The following ZNF592 variants were observed in gnomAD, a reference collection of about 807,000 sequenced individuals.
ZNF592 encodes the protein spinocerebellar ataxia, autosomal recessive 5.
Under a neutral mutation model 80.3 loss-of-function variants are expected in ZNF592, and 11 were observed. The ratio of observed to expected loss-of-function variants is 0.14; its 90% CI spans 0.09 to 0.23. ZNF592 has a LOEUF of 0.23. ZNF592 is among the 10% of genes least tolerant of loss of function. The pLI, the probability that ZNF592 is intolerant of heterozygous loss-of-function variation, is 1.00. For missense variants in ZNF592, 1,420 were observed against 1,633.9 expected (o/e 0.87, Z 2.26); for synonymous variants, 646 against 640.3 (o/e 1.01, Z -0.13).
intron 2 of ZNF592, among the ~76,000 whole-genome samples, chr15:84,771,446 CACGAGAAAGTGTG>C (rs1899698303): frequency 6.6e-6 from 1 of 152,034 alleles, no homozygotes; most frequent in South Asian, 2.1e-4. Context: ...GGCAGAGAGG[CACGAGAAAGTGTG>C]AGAGAACCAC....
intron 2 of ZNF592, among the ~76,000 whole-genome samples, chr15:84,776,521 C>G (rs1158647106): frequency 6.6e-6 from 1 of 152,082 alleles, no homozygotes; most frequent in Non-Finnish European, 1.5e-5. Flanking sequence ...TTTGGGAGGC[C>G]AAGGTGGGTG....
Position 84,782,807 on chromosome 15 carries a change from A to G in ZNF592, c.132A>G (p.Pro44=). The part of the protein sequence containing the change: ...SEENESPLKP[P]GICMDESVSL... ...AGAATGAGAGTCCCCTCAAACCTCC[A>G]GGCATATGTATGGATGAAAGTGTGT... The change falls in exon 4 of 11, where the codon CCA becomes CCG. Residue 44 remains proline, a synonymous_variant. Transcript: ENST00000560079. The G allele has an allele frequency of 6.2e-7, 1 of 1,614,140 alleles. No homozygotes were observed. The highest frequency in any genetic ancestry group is 8.5e-7 in the Non-Finnish European group (1 of 1,180,036).
chr15:84,775,765 A>T (rs139513521), intron 2 of ZNF592, among the ~76,000 whole-genome samples: 1 of 152,128 alleles, frequency 6.6e-6, no homozygotes, highest in Admixed American at 6.5e-5. Flanking sequence ...AATAATTCCA[A>T]TAGGGTGATT....
chr15:84,748,617 A>ACG lies in ZNF592; in HGVS notation c.-299_-298dup, dbSNP rs1324305414. ...GTGGCTCCCGCAGCCGGCGCTGGGGACGCGCGCGGCCGAGACTCTGGCCTG... is the reference window on the plus strand; with the variant it reads ...GTGGCTCCCGCAGCCGGCGCTGGGGACGCGCGCGCGGCCGAGACTCTGGCCTG... On this transcript the variant is annotated 5_prime_UTR_variant, in exon 1 of 11. Coordinates refer to ENST00000560079, the MANE Select transcript of ZNF592 (RefSeq NM_014630.3). The ACG allele has an allele frequency of 1.4e-5, 2 of 144,658 alleles. No homozygotes were observed. Among genetic ancestry groups the ACG allele is most frequent in the Admixed American group, 1.4e-4 (2 of 14,622 alleles). The allele number at this position is 144,658 out of a possible 1,614,324, so 9.0% of individuals were successfully genotyped here.
Position 84,783,281 on chromosome 15 carries a change from G to C in ZNF592, c.606G>C (p.Lys202Asn). ...TGCATATGTTTGATCATTTTTGTAA[G>C]AAAGAACCCAAGCCAGAACCCCTGC... ...PELHMFDHFC[K>N]KEPKPEPLPL... is the part of the protein sequence containing the mutation. The change falls in exon 4 of 11, where the codon AAG becomes AAC. Residue 202 changes from lysine to asparagine, a missense_variant. By Grantham distance (94) the Lys-to-Asn change is moderately conservative (BLOSUM62 0). Around this residue, in one of 7 missense-constraint regions of ZNF592, gnomAD observed 373 missense variants for 355.5 expected, o/e 1.05. Transcript: ENST00000560079. The surrounding 1 kb of genome is among the most constrained non-coding windows in gnomAD (Gnocchi z 5.0). 6.2e-7 allele frequency: 1 copy of C among 1,614,252 alleles called. No homozygotes were observed. Among genetic ancestry groups the C allele is most frequent in the Non-Finnish European group, 8.5e-7 (1 of 1,180,048 alleles).
At chr15:84,757,106 GTC>G (rs1899195780) in intron 1 of ZNF592, among the ~76,000 whole-genome samples, 1 of 151,790 alleles carries the variant, frequency 6.6e-6, no homozygotes, top group Non-Finnish European at 1.5e-5. Context: ...GAGTGAGACT[GTC>G]TCAATTAAAA....
chr15:84,785,198 C>A (rs1962555935), intron 4 of ZNF592, among the ~76,000 whole-genome samples: 1 of 152,210 alleles, frequency 6.6e-6, no homozygotes, highest in Non-Finnish European at 1.5e-5. Context: ...ACTGGATGAT[C>A]TCCCTCTGGT....
chr15:84,787,740 A>G (rs1962631944), intron 4 of ZNF592, among the ~76,000 whole-genome samples: 1 of 152,244 alleles, frequency 6.6e-6, no homozygotes, highest in Admixed American at 6.5e-5. Flanking sequence ...ATTACCTACT[A>G]CAAGTTCATA....
intron 2 of ZNF592, among the ~76,000 whole-genome samples, chr15:84,766,501 G>GAC (rs763417279): frequency 4.5e-4 from 69 of 152,082 alleles, no homozygotes; most frequent in South Asian, 8.3e-4. Context: ...CCTCAGGTCT[G>GAC]AGCAGTCATG....
At chr15:84,780,782 G>A (rs1389800493) in intron 3 of ZNF592, among the ~76,000 whole-genome samples, 1 of 151,800 alleles carries the variant, frequency 6.6e-6, no homozygotes, top group Admixed American at 6.6e-5. Context: ...TGTTGTTGTT[G>A]TTGTTGTTGT....
At chr15:84,796,313 A>T (rs913664369) in intron 5 of ZNF592, among the ~76,000 whole-genome samples, 2 of 139,856 alleles carry the variant, frequency 1.4e-5, no homozygotes, top group Non-Finnish European at 3.0e-5. Flanking sequence ...GAAGGGTAAC[A>T]TTCAGGAGTC....
intron 4 of ZNF592, among the ~76,000 whole-genome samples, chr15:84,786,755 C>T (rs1962594827): frequency 6.6e-6 from 1 of 151,196 alleles, no homozygotes; most frequent in African/African-American, 2.4e-5. Flanking sequence ...TTTACTTTAT[C>T]TGAGTCAAGG....
intron 1 of ZNF592, among the ~76,000 whole-genome samples, chr15:84,755,918 A>G (rs1899156375): frequency 6.6e-6 from 1 of 152,190 alleles, no homozygotes; most frequent in Non-Finnish European, 1.5e-5. Flanking sequence ...GCAGGGCTGC[A>G]CCTATCTGGG....
intron 1 of ZNF592, among the ~76,000 whole-genome samples, chr15:84,760,335 C>T (rs1012429508): frequency 6.6e-5 from 10 of 152,152 alleles, no homozygotes; most frequent in African/African-American, 2.4e-4. Flanking sequence ...CCGCCTAAAA[C>T]CTCTTCTCCC....
chr15:84,758,230 C>G (rs570210657), intron 1 of ZNF592, among the ~76,000 whole-genome samples: 1 of 152,042 alleles, frequency 6.6e-6, no homozygotes, highest in East Asian at 1.9e-4. Context: ...GCCTCGGCCT[C>G]CCAAAGTGCT....
In ZNF592 at chr15:84,802,413, C is replaced by A; in HGVS notation, c.*20C>A. The A allele has an allele frequency of 6.2e-7, 1 of 1,612,682 alleles. No individual in the cohort carries two copies. Among genetic ancestry groups the A allele is most frequent in the Non-Finnish European group, 8.5e-7 (1 of 1,179,736 alleles). ...GTGTGACCGGAGACTTTGCAGTGTG[C>A]ATGGTCAGGGGTGGTGCCGAAGTGT... On this transcript the variant is annotated 3_prime_UTR_variant, in exon 11 of 11. Transcript: ENST00000560079.
Position 84,784,029 on chromosome 15 carries a change from A to T in ZNF592, c.1354A>T (p.Met452Leu). The T allele has an allele frequency of 6.2e-7, 1 of 1,611,764 alleles. No individual in the cohort carries two copies. The highest frequency in any genetic ancestry group is 8.5e-7 in the Non-Finnish European group (1 of 1,178,144). Reference sequence around the variant, plus strand: ...GGGGGCCAGGAAAGGGGACGAGAGCATGACAAAGGCCAGTGACTCGTCATC... The same window carrying T: ...GGGGGCCAGGAAAGGGGACGAGAGCTTGACAAAGGCCAGTGACTCGTCATC... ...PQGARKGDES[M>L]TKASDSSSPS... Residue 452 changes from methionine (M) to leucine (L), a missense_variant, in exon 4 of 11, where the codon ATG becomes TTG. Met to Leu is a conservative substitution (Grantham distance 15). Coordinates refer to ENST00000560079, the MANE Select transcript of ZNF592 (RefSeq NM_014630.3). The surrounding 1 kb of genome is among the most constrained non-coding windows in gnomAD (Gnocchi z 5.8).
At position 84,799,291 on chromosome 15, in the gene ZNF592, G is replaced by A. The variant is rs1963026222; in HGVS notation, c.3137+81G>A. ...GGCACCACTGGGGCTTTTCTGTGCTGCAAGATCAGGTGTCTAAGACAAGAG... is the reference window on the plus strand; with the variant it reads ...GGCACCACTGGGGCTTTTCTGTGCTACAAGATCAGGTGTCTAAGACAAGAG... On this transcript the variant is annotated intron_variant, in intron 9 of 10. Coordinates refer to ENST00000560079, the MANE Select transcript of ZNF592 (RefSeq NM_014630.3). The surrounding 1 kb of genome is among the most constrained non-coding windows in gnomAD (Gnocchi z 4.2). 2 of 1,352,114 alleles carry A rather than the reference G, an allele frequency of 1.5e-6. No individual in the cohort carries two copies. Among genetic ancestry groups the A allele is most frequent in the African/African-American group, 1.4e-5 (1 of 69,654 alleles). The allele number at this position is 1,352,114 out of a possible 1,614,324, so 83.8% of individuals were successfully genotyped here. A position where few individuals can be genotyped will look rare whatever the true frequency, so the allele number is the denominator to read the frequency against.
chr15:84,778,829 C>T (rs970259097), intron 3 of ZNF592, among the ~76,000 whole-genome samples: 1 of 152,140 alleles, frequency 6.6e-6, no homozygotes, highest in Admixed American at 6.5e-5. Context: ...GGAAGAATGG[C>T]GTGTGCATGT....
Sources: gnomAD v4.1 joint callset for allele counts (sites outside exome capture counted in the v4.1 genomes callset) on GRCh38, gnomAD v4.1.1 for gene constraint, gnomAD v4.1.1 regional missense constraint, Gnocchi (gnomAD v3.1) non-coding constraint, MANE v1.5 for transcripts, NCBI Gene and HGNC (gene_info 2026-07-23, HGNC 2026-07-21) for gene names.